The following DCT variants were observed in gnomAD, a reference collection of about 807,000 sequenced individuals.
DCT encodes L-dopachrome tautomerase.
In DCT, 47 loss-of-function variants were observed where a neutral mutation model predicts 53.0. That is an observed-to-expected ratio of 0.89 (90% confidence interval 0.70 to 1.13). The LOEUF (loss-of-function observed/expected upper bound fraction) is 1.13. DCT is among the 50% of genes most tolerant of loss of function. The pLI is 0.00. For missense variants in DCT, 669 were observed against 637.4 expected, an observed-to-expected ratio of 1.05 and a Z score of -0.53; for synonymous variants, 244 against 237.0, an observed-to-expected ratio of 1.03 and a Z score of -0.27.
chr13:94,526,355 T>G, the DCT span, among the ~76,000 whole-genome samples: 1 of 152,180 alleles, frequency 6.6e-6, no homozygotes, highest in Non-Finnish European at 1.5e-5. Context: ...CAAACTGTAT[T>G]TGAGTAACAC....
In DCT at chr13:94,468,597, GTA is replaced by G. The variant is rs145759023; in HGVS notation, c.595+147_595+148del. 2,786 of 712,108 alleles carry G rather than the reference GTA, an allele frequency of 3.9e-3. 49 individuals carry two copies. In the African/African-American group the frequency reaches 0.042, roughly 11 times the overall value. The allele number at this position is 712,108 out of a possible 1,614,324, so 44.1% of individuals were successfully genotyped here. ...AACTGCTTCCTTCTAACTCCAGGCG[GTA>G]TTTGATAATTCTACGACTTTCATAA... On this transcript the variant is annotated intron_variant, in intron 2 of 7. Coordinates refer to ENST00000377028, the MANE Select transcript of DCT (RefSeq NM_001922.5).
chr13:94,460,196 A>T lies in DCT; in HGVS notation c.1074T>A (p.Asp358Glu). Residue 358 changes from aspartate (D) to glutamate (E), a missense_variant, in exon 6 of 8, where the codon GAT becomes GAA. Coordinates refer to ENST00000377028, the MANE Select transcript of DCT (RefSeq NM_001922.5). ...RNALEGFDKA[D>E]GTLDSQVMSL... ...TCATCACTTGAGAATCCAGAGTCCC[A>T]TCTGCTTTATCAAACCCTTCCAAAG... 6.2e-7 allele frequency: 1 copy of T among 1,613,948 alleles called. No homozygotes were observed. The highest frequency in any genetic ancestry group is 8.5e-7 in the Non-Finnish European group (1 of 1,179,798).
the DCT span, among the ~76,000 whole-genome samples, chr13:94,490,010 T>C: frequency 6.6e-6 from 1 of 152,142 alleles, no homozygotes; most frequent in Non-Finnish European, 1.5e-5. Context: ...ATCTCACTAA[T>C]TATGACAAAT....
intron 1 of DCT, 77 bp downstream of exon 1, chr13:94,478,884 G>T: frequency 7.2e-7 from 1 of 1,391,080 alleles, no homozygotes; most frequent in Non-Finnish European, 9.8e-7. Context: ...TCTCTGTCAA[G>T]AGTCTCATCT....
intron 1 of DCT, among the ~76,000 whole-genome samples, chr13:94,477,084 C>A (rs532013853): frequency 6.6e-5 from 10 of 151,956 alleles, no homozygotes; most frequent in African/African-American, 1.9e-4. Flanking sequence ...ATTATAAAGC[C>A]AGAACTATTT....
At chr13:94,454,214 A>G (rs553173340) in intron 6 of DCT, among the ~76,000 whole-genome samples, 121 of 152,354 alleles carry the variant, frequency 7.9e-4, no homozygotes, top group African/African-American at 2.8e-3. Flanking sequence ...GGTAGAAAAC[A>G]GGCACGAGCT....
At chr13:94,498,095 C>A in the DCT span, among the ~76,000 whole-genome samples, 1 of 152,334 alleles carries the variant, frequency 6.6e-6, no homozygotes, top group African/African-American at 2.4e-5. Flanking sequence ...AACCTCTACT[C>A]CCTCAGGAAG....
At chr13:94,538,141 G>A in the DCT span, among the ~76,000 whole-genome samples, 20 of 152,220 alleles carry the variant, frequency 1.3e-4, no homozygotes, top group Non-Finnish European at 2.5e-4. Flanking sequence ...AAGTTTTCTC[G>A]GGCAGCCAAG....
At chr13:94,534,526 G>A in the DCT span, among the ~76,000 whole-genome samples, 1 of 152,366 alleles carries the variant, frequency 6.6e-6, no homozygotes, top group East Asian at 1.9e-4. Flanking sequence ...GTGGGAACAA[G>A]AGCAGCTTTT....
At chr13:94,465,484 C>G in intron 4 of DCT, 149 bp downstream of exon 4, 2 of 547,748 alleles carry the variant, frequency 3.7e-6, no homozygotes, top group Non-Finnish European at 5.7e-6. Flanking sequence ...TTTTTGAAAT[C>G]CCACCTCCCA....
At chr13:94,545,055 C>A in the DCT span, among the ~76,000 whole-genome samples, 1 of 152,126 alleles carries the variant, frequency 6.6e-6, no homozygotes, top group African/African-American at 2.4e-5. Flanking sequence ...TTCATAGCCT[C>A]CTAAGTTATA....
the DCT span, among the ~76,000 whole-genome samples, chr13:94,547,921 C>G: frequency 7.1e-6 from 1 of 140,116 alleles, no homozygotes; most frequent in Non-Finnish European, 1.5e-5. Flanking sequence ...ACCTGGGACA[C>G]CACTGCACTC....
chr13:94,507,948 T>A, the DCT span, among the ~76,000 whole-genome samples: 1 of 152,218 alleles, frequency 6.6e-6, no homozygotes, highest in African/African-American at 2.4e-5. Flanking sequence ...ATCCAAATCT[T>A]TAGCAAAGAT....
the DCT span, among the ~76,000 whole-genome samples, chr13:94,524,468 TC>T: frequency 6.6e-6 from 1 of 152,106 alleles, no homozygotes; most frequent in Non-Finnish European, 1.5e-5. Flanking sequence ...CTGGCAGCAA[TC>T]CCCTCTGCCA....
intron 6 of DCT, chr13:94,445,702 C>T (rs755684): frequency 0.77 from 1,205,765 of 1,560,612 alleles, 476,307 homozygotes; most frequent in Non-Finnish European, 0.81. Flanking sequence ...AGTAGAGCCT[C>T]CCAGGCTCAT....
At chr13:94,484,083 G>A (rs1885560982), upstream of DCT, among the ~76,000 whole-genome samples, 1 of 152,206 alleles carries the variant, frequency 6.6e-6, no homozygotes, top group African/African-American at 2.4e-5. Flanking sequence ...TTATGCAGCT[G>A]CACATCCACC....
the DCT span, among the ~76,000 whole-genome samples, chr13:94,530,493 A>T: frequency 6.6e-6 from 1 of 152,222 alleles, no homozygotes; most frequent in Admixed American, 6.5e-5. Context: ...ACATATGCAA[A>T]TCAACGAACG....
chr13:94,477,089 CTATTTATT>C (rs1011245965), intron 1 of DCT, among the ~76,000 whole-genome samples: 2 of 151,938 alleles, frequency 1.3e-5, no homozygotes, highest in African/African-American at 2.4e-5. Flanking sequence ...AAAGCCAGAA[CTATTTATT>C]TATTTATTTA....
Position 94,452,736 on chromosome 13 carries a change from C to T in DCT, c.1179+7355G>A, listed in dbSNP as rs1883178168. 3 of 643,274 alleles carry T rather than the reference C, an allele frequency of 4.7e-6. No individual in the cohort carries two copies. In the South Asian group the frequency reaches 5.6e-5, roughly 12 times the overall value. The allele number at this position is 643,274 out of a possible 1,614,324, so 39.8% of individuals were successfully genotyped here. A position where few individuals can be genotyped will look rare whatever the true frequency, so the allele number is the denominator to read the frequency against. On this transcript the variant is annotated intron_variant, in intron 6 of 7. Transcript: ENST00000377028. The stretch of plus-strand genomic sequence containing the variant: ...AAAATAATACATTTCAGGATAAATC[C>T]ATGCAAAAGAATACTATACAGCTAT...
Sources: allele counts gnomAD v4.1 joint callset (sites outside exome capture counted in the v4.1 genomes callset), GRCh38; gene constraint gnomAD v4.1.1; transcripts MANE v1.5; gene names NCBI Gene and HGNC (gene_info 2026-07-23, HGNC 2026-07-21).